Variants in BCAS3 observed in about 807,000 individuals in gnomAD.
BCAS3 encodes the protein BCAS3 microtubule associated cell migration factor.
A neutral mutation model predicts 116.1 loss-of-function variants in BCAS3; 53 were observed. The observed-to-expected ratio is 0.46, with a 90% confidence interval of 0.37 to 0.57. BCAS3 has a LOEUF of 0.57. Ranked by LOEUF, BCAS3 falls within the 20% of genes least tolerant of loss-of-function variation. The pLI is 0.00. For synonymous variants in BCAS3, 391 were observed against 408.2 expected (o/e 0.96, Z 0.51); for missense variants, 917 against 1,165.4 (o/e 0.79, Z 3.10).
In BCAS3 at chr17:61,302,131, G is replaced by T. The variant is rs2053498758; in HGVS notation, c.2426-66196G>T. Among the ~76,000 whole-genome samples the T allele has an allele frequency of 6.6e-6, 1 of 151,866 alleles. No individual in the cohort carries two copies. The highest frequency in any genetic ancestry group is 2.1e-4 in the South Asian group (1 of 4,808). ...ACAGTCAGCTCATTACCTCCTCCCT[G>T]TCCCACTCTTGCCATGCCAGGAGAA... On this transcript the variant is annotated intron_variant, in intron 22 of 23. Coordinates refer to ENST00000407086, the MANE Select transcript of BCAS3 (RefSeq NM_017679.5). The surrounding 1 kb of genome is among the most constrained non-coding windows in gnomAD (Gnocchi z 4.4).
At position 61,379,421 on chromosome 17, in the gene BCAS3, A is replaced by C. The variant is rs951138034; in HGVS notation, c.2593+10927A>C. On this transcript the variant is annotated intron_variant, in intron 23 of 23. Coordinates refer to ENST00000407086, the MANE Select transcript of BCAS3 (RefSeq NM_017679.5). This position sits in a 1 kb window ranked among gnomAD's most constrained non-coding sequence, Gnocchi z 5.5. ...AATGAAAGTTGGCAATGACCCTCTG[A>C]CCCTTTAGGAATCCAGAATCTTGGC... The C allele has an allele frequency of 1.8e-4, 27 of 152,078 alleles. No individual in the cohort carries two copies. Among genetic ancestry groups the C allele is most frequent in the African/African-American group, 5.3e-4 (22 of 41,386 alleles). 9.4% of individuals were successfully genotyped at this position (152,078 alleles called of 1,614,324 possible). A position where few individuals can be genotyped will look rare whatever the true frequency, so the allele number is the denominator to read the frequency against.
chr17:61,329,469 T>C (rs188460942), intron 22 of BCAS3, among the ~76,000 whole-genome samples: 2 of 151,458 alleles, frequency 1.3e-5, no homozygotes, highest in South Asian at 4.2e-4. Context: ...GCCCCCCAAG[T>C]AACTGGGACT....
chr17:61,334,984 G>A (rs1268367505), intron 22 of BCAS3, among the ~76,000 whole-genome samples: 1 of 152,196 alleles, frequency 6.6e-6, no homozygotes, highest in African/African-American at 2.4e-5. Context: ...ACCTGACTGA[G>A]GTCCTGAACC....
At chr17:60,752,058 T>C (rs1044627222) in intron 6 of BCAS3, among the ~76,000 whole-genome samples, 10 of 152,148 alleles carry the variant, frequency 6.6e-5, no homozygotes, top group South Asian at 2.1e-4. Context: ...CTAGTTTTTT[T>C]CCCCTTAACT....
intron 5 of BCAS3, among the ~76,000 whole-genome samples, chr17:60,746,145 T>A (rs2041996508): frequency 6.6e-6 from 1 of 152,128 alleles, no homozygotes; most frequent in South Asian, 2.1e-4. Flanking sequence ...TTGAACTAGT[T>A]TTATAATGTT....
At chr17:61,001,670 G>C (rs1600368058) in intron 15 of BCAS3, among the ~76,000 whole-genome samples, 1 of 152,060 alleles carries the variant, frequency 6.6e-6, no homozygotes, top group African/African-American at 2.4e-5. Flanking sequence ...ATCTTGTGGG[G>C]GGATATCTTA....
At position 61,247,640 on chromosome 17, in the gene BCAS3, C is replaced by T. The variant is rs374425488; in HGVS notation, c.2426-120687C>T. 3.3e-4 allele frequency among the ~76,000 whole-genome samples: 50 copies of T among 152,276 alleles called. 1 individual carries two copies. In the East Asian group the frequency reaches 6.0e-3, roughly 18 times the overall value. On this transcript the variant is annotated intron_variant, in intron 22 of 23. Coordinates refer to ENST00000407086, the MANE Select transcript of BCAS3 (RefSeq NM_017679.5). The stretch of plus-strand genomic sequence containing the variant: ...GACCATGTGCCAAGTCCCTTATTGC[C>T]GACCACAGCTGCTCTTGACTACAGC...
chr17:60,794,563 C>G (rs1383094192), intron 6 of BCAS3, among the ~76,000 whole-genome samples: 1 of 152,164 alleles, frequency 6.6e-6, no homozygotes, highest in Non-Finnish European at 1.5e-5. Flanking sequence ...CTTAGTCCAT[C>G]TTGGGTTGAT....
In BCAS3 at chr17:61,226,063, T is replaced by C. The variant is rs989517191; in HGVS notation, c.2425+141499T>C. Reference sequence around the variant, plus strand: ...CTGTTCTGTGTTCAAAAATACAGCATGAGCAAGCTGTAATGGTGCCTGTCG... The same window carrying C: ...CTGTTCTGTGTTCAAAAATACAGCACGAGCAAGCTGTAATGGTGCCTGTCG... On this transcript the variant is annotated intron_variant, in intron 22 of 23. Coordinates refer to ENST00000407086, the MANE Select transcript of BCAS3 (RefSeq NM_017679.5). This position sits in a 1 kb window ranked among gnomAD's most constrained non-coding sequence, Gnocchi z 6.0. 6.6e-6 allele frequency among the ~76,000 whole-genome samples: 1 copy of C among 152,168 alleles called. No homozygotes were observed. The highest frequency in any genetic ancestry group is 1.5e-5 in the Non-Finnish European group (1 of 68,030).
intron 5 of BCAS3, among the ~76,000 whole-genome samples, chr17:60,736,619 A>G (rs2040996000): frequency 6.6e-6 from 1 of 152,220 alleles, no homozygotes; most frequent in Non-Finnish European, 1.5e-5. Context: ...AATGTATGGT[A>G]GAATTCACCA....
rs1036920188 is a variant in BCAS3, at chr17:61,348,824, C to T, written c.2426-19503C>T. On this transcript the variant is annotated intron_variant, in intron 22 of 23. Coordinates refer to ENST00000407086, the MANE Select transcript of BCAS3 (RefSeq NM_017679.5). The surrounding 1 kb of genome is among the most constrained non-coding windows in gnomAD (Gnocchi z 4.5). ...CTGGAGTGCAGTGGCATGATACCGG[C>T]TCACTGCAAGCTCCGCCTCCCAGGT... Among the ~76,000 whole-genome samples the T allele has an allele frequency of 1.3e-5, 2 of 149,208 alleles. No individual in the cohort carries two copies.
chr17:60,843,775 C>T (rs1417414875), intron 7 of BCAS3, among the ~76,000 whole-genome samples: 1 of 152,208 alleles, frequency 6.6e-6, no homozygotes, highest in African/African-American at 2.4e-5. Context: ...ATCATCTGCA[C>T]TGATCCCTTT....
intron 4 of BCAS3, among the ~76,000 whole-genome samples, chr17:60,701,412 A>G (rs1336732086): frequency 1.3e-5 from 2 of 152,186 alleles, no homozygotes; most frequent in Non-Finnish European, 2.9e-5. Flanking sequence ...ATGCTTATGT[A>G]ACCAACACCA....
intron 7 of BCAS3, among the ~76,000 whole-genome samples, chr17:60,847,030 A>G (rs929207420): frequency 5.9e-5 from 9 of 152,048 alleles, no homozygotes; most frequent in African/African-American, 1.4e-4. Context: ...GTCTCTGTGG[A>G]TTGACCTGTT....
chr17:60,919,225 A>G (rs2058941792), intron 12 of BCAS3, among the ~76,000 whole-genome samples: 1 of 151,970 alleles, frequency 6.6e-6, no homozygotes, highest in African/African-American at 2.4e-5. Flanking sequence ...GTTAAAACCT[A>G]TTGTTGGAAG....
chr17:61,110,592 A>G (rs1352741023), intron 22 of BCAS3, among the ~76,000 whole-genome samples: 1 of 152,186 alleles, frequency 6.6e-6, no homozygotes, highest in Admixed American at 6.5e-5. Flanking sequence ...GGAGGGTCCT[A>G]CGCCCACGGA....
chr17:61,015,034 ATAT>A (rs2065358081), intron 15 of BCAS3, among the ~76,000 whole-genome samples: 1 of 152,196 alleles, frequency 6.6e-6, no homozygotes, highest in Non-Finnish European at 1.5e-5. Context: ...ATTAAAAGGT[ATAT>A]TATTGTTAAA....
intron 5 of BCAS3, among the ~76,000 whole-genome samples, chr17:60,736,878 TTCCCTCCC>T (rs145163889): frequency 6.8e-6 from 1 of 147,960 alleles, no homozygotes; most frequent in Non-Finnish European, 1.5e-5. Flanking sequence ...CCTCTTTTCC[TTCCCTCCC>T]TCCCTCCCTC....
chr17:60,931,324 G>A (rs1251192488), intron 13 of BCAS3, among the ~76,000 whole-genome samples: 1 of 151,850 alleles, frequency 6.6e-6, no homozygotes, highest in Non-Finnish European at 1.5e-5. Flanking sequence ...TGCCTAGGCT[G>A]GAGTGCAGTG....
Sources: allele counts gnomAD v4.1 joint callset (sites outside exome capture counted in the v4.1 genomes callset), GRCh38; gene constraint gnomAD v4.1.1; non-coding constraint Gnocchi (gnomAD v3.1); transcripts MANE v1.5; gene names NCBI Gene and HGNC (gene_info 2026-07-23, HGNC 2026-07-21).